Variants in CSMD2 observed in about 807,000 individuals in gnomAD.
CSMD2 encodes CUB and Sushi multiple domains 2.
CSMD2 carries 130 observed loss-of-function variants against 398.5 expected under a neutral mutation model. The observed-to-expected ratio is 0.33, with a 90% confidence interval of 0.28 to 0.38. The LOEUF (loss-of-function observed/expected upper bound fraction) is 0.38. Among genes scored for constraint, CSMD2 ranks in the 10% least tolerant of loss-of-function variants. The pLI is 1.00. For missense variants in CSMD2, 3,829 were observed against 4,764.9 expected, an observed-to-expected ratio of 0.80 and a Z score of 5.78; for synonymous variants, 1,828 against 1,908.5, an observed-to-expected ratio of 0.96 and a Z score of 1.10.
At chr1:33,726,896 G>C (rs1259188878) in intron 15 of CSMD2, among the ~76,000 whole-genome samples, 6 of 152,212 alleles carry the variant, frequency 3.9e-5, no homozygotes, top group Non-Finnish European at 1.5e-5. Flanking sequence ...CCAGATGGGA[G>C]AAATGAAAAG....
chr1:33,741,953 C>T (rs1047786451), intron 14 of CSMD2, among the ~76,000 whole-genome samples: 1 of 152,240 alleles, frequency 6.6e-6, no homozygotes, highest in African/African-American at 2.4e-5. Context: ...TGGATCCTTC[C>T]ATTCCGTAAA....
At chr1:33,810,632 T>G in intron 10 of CSMD2, 111 bp downstream of exon 10, 3 of 1,082,756 alleles carry the variant, frequency 2.8e-6, no homozygotes, top group Non-Finnish European at 2.7e-6. Context: ...AAAAGAACTG[T>G]CTGCAGAGAA....
chr1:33,809,850 T>A lies in CSMD2; in HGVS notation c.1446+893A>T, dbSNP rs80269973. 7.2e-3 allele frequency among the ~76,000 whole-genome samples: 1,092 copies of A among 152,208 alleles called. 6 individuals carry two copies. The highest frequency in any genetic ancestry group is 0.025 in the African/African-American group (1,019 of 41,560). On this transcript the variant is annotated intron_variant, in intron 10 of 70. Coordinates refer to ENST00000373381, the MANE Select transcript of CSMD2 (RefSeq NM_001281956.2). ...AATCAAAGTACAAAATCAATTGCAT[T>A]TCTAAACACCAGCAAGAAACAAGTA...
At chr1:33,901,503 G>C (rs1642755178) in intron 5 of CSMD2, among the ~76,000 whole-genome samples, 1 of 152,218 alleles carries the variant, frequency 6.6e-6, no homozygotes, top group Non-Finnish European at 1.5e-5. Flanking sequence ...TTTGGCTTGT[G>C]CCAGTGCGTC....
At chr1:33,604,044 G>T (rs891517541) in intron 42 of CSMD2, among the ~76,000 whole-genome samples, 3 of 152,214 alleles carry the variant, frequency 2.0e-5, no homozygotes, top group African/African-American at 7.2e-5. Context: ...TTTGCCATTA[G>T]GGACATGGGA....
intron 64 of CSMD2, among the ~76,000 whole-genome samples, chr1:33,532,723 C>T (rs150535849): frequency 1.7e-4 from 26 of 152,286 alleles, no homozygotes; most frequent in African/African-American, 4.8e-4. Context: ...GACCTACAGG[C>T]GGGTGCTGTT....
chr1:34,136,731 G>T (rs1293708318), intron 1 of CSMD2, among the ~76,000 whole-genome samples: 1 of 152,092 alleles, frequency 6.6e-6, no homozygotes, highest in African/African-American at 2.4e-5. Context: ...AATAAATTAT[G>T]AAAACTCCGA....
At chr1:33,915,681 C>T (rs1313649471) in intron 5 of CSMD2, among the ~76,000 whole-genome samples, 1 of 152,182 alleles carries the variant, frequency 6.6e-6, no homozygotes, top group African/African-American at 2.4e-5. Flanking sequence ...GGCCTTGGGA[C>T]TGGAAGACAG....
At chr1:33,892,083 A>C (rs889939365) in intron 5 of CSMD2, among the ~76,000 whole-genome samples, 34 of 95,842 alleles carry the variant, frequency 3.5e-4, no homozygotes, top group African/African-American at 9.4e-4. Flanking sequence ...GAAAACCCTA[A>C]AGACACCATC....
At chr1:33,872,319 C>G (rs1640534228) in intron 5 of CSMD2, among the ~76,000 whole-genome samples, 1 of 152,068 alleles carries the variant, frequency 6.6e-6, no homozygotes, top group African/African-American at 2.4e-5. Context: ...AATTCTCAGT[C>G]TCCCAAGTCA....
rs573478772 is a variant in CSMD2 at position 34,157,146 on chromosome 1, T to C, written c.187+7765A>G. Among the ~76,000 whole-genome samples the C allele has an allele frequency of 3.3e-5, 5 of 152,306 alleles. No homozygotes were observed. In the South Asian group the frequency reaches 6.2e-4, roughly 19 times the overall value. ...GGTCTCCCTGAAGAATGATCCCTTA[T>C]GGCAGGAAAAGGGAGCCTCCAGCAT... On this transcript the variant is annotated intron_variant, in intron 1 of 70. Transcript: ENST00000373381.
chr1:33,868,232 C>T (rs145614786), intron 5 of CSMD2, among the ~76,000 whole-genome samples: 1 of 152,306 alleles, frequency 6.6e-6, no homozygotes, highest in Non-Finnish European at 1.5e-5. Context: ...GCAGGCCCAT[C>T]ACCATCTTGA....
intron 2 of CSMD2, among the ~76,000 whole-genome samples, chr1:34,063,670 T>C (rs1654781356): frequency 6.6e-6 from 1 of 152,168 alleles, no homozygotes; most frequent in East Asian, 1.9e-4. Flanking sequence ...AGTGCTGCTT[T>C]TCCAGGCACA....
At chr1:33,848,693 C>T (rs955102361) in intron 5 of CSMD2, among the ~76,000 whole-genome samples, 5 of 152,192 alleles carry the variant, frequency 3.3e-5, no homozygotes, top group Non-Finnish European at 7.3e-5. Context: ...TAACCCATAC[C>T]GCTATGGTAA....
chr1:33,908,629 C>T (rs932469304), intron 5 of CSMD2, among the ~76,000 whole-genome samples: 2 of 152,276 alleles, frequency 1.3e-5, no homozygotes, highest in African/African-American at 2.4e-5. Flanking sequence ...ACTGCGACAA[C>T]ACCAGTTCAC....
At chr1:33,755,821 A>AT (rs951857380) in intron 13 of CSMD2, among the ~76,000 whole-genome samples, 88 of 146,194 alleles carry the variant, frequency 6.0e-4, no homozygotes, top group Non-Finnish European at 7.7e-4. Flanking sequence ...AATTATTTTT[A>AT]TTTTTTTTTA....
At chr1:33,751,348 A>G (rs1490547188) in intron 13 of CSMD2, among the ~76,000 whole-genome samples, 1 of 152,146 alleles carries the variant, frequency 6.6e-6, no homozygotes, top group East Asian at 1.9e-4. Context: ...AGAAGGAGGA[A>G]GGGACATCTG....
rs983155423 is a variant in CSMD2, at chr1:33,519,752, C to T, written c.10736+60G>A. The stretch of plus-strand genomic sequence containing the variant: ...AGGCTTAGGGGTCTGGTGCGGGGGG[C>T]CCTGGAGGGAGAGAGGGAGGCCTGC... On this transcript the variant is annotated intron_variant, in intron 69 of 70. Transcript: ENST00000373381. This position sits in a 1 kb window ranked among gnomAD's most constrained non-coding sequence, Gnocchi z 5.6. 102 of 1,612,372 alleles carry T rather than the reference C, an allele frequency of 6.3e-5. No individual in the cohort carries two copies. Among genetic ancestry groups the T allele is most frequent in the Non-Finnish European group, 7.8e-5 (92 of 1,178,804 alleles).
chr1:34,074,157 C>T (rs866957655), intron 2 of CSMD2, among the ~76,000 whole-genome samples: 3 of 152,338 alleles, frequency 2.0e-5, no homozygotes, highest in Middle Eastern at 6.8e-3. Flanking sequence ...TACAATCCAA[C>T]ACGAGATTTG....
Sources: gnomAD v4.1 joint callset for allele counts (sites outside exome capture counted in the v4.1 genomes callset) on GRCh38, gnomAD v4.1.1 for gene constraint, Gnocchi (gnomAD v3.1) non-coding constraint, MANE v1.5 for transcripts, NCBI Gene and HGNC (gene_info 2026-07-23, HGNC 2026-07-21) for gene names.